The following CCR3 variants were observed in gnomAD, a reference collection of about 807,000 sequenced individuals.
The protein encoded by CCR3 is C-C motif chemokine receptor 3.
For missense variants in CCR3, 419 were observed against 437.5 expected (o/e 0.96, Z 0.38); for synonymous variants, 203 against 179.2 (o/e 1.13, Z -1.06).
intron 1 of CCR3, among the ~76,000 whole-genome samples, chr3:46,249,538 A>C (rs1051306203): frequency 6.6e-6 from 1 of 152,176 alleles, no homozygotes; most frequent in South Asian, 2.1e-4. Flanking sequence ...GTGATGGTCT[A>C]TGGGGCTTCC....
upstream of CCR3, among the ~76,000 whole-genome samples, chr3:46,239,505 T>C (rs937467366): frequency 6.6e-6 from 1 of 152,214 alleles, no homozygotes; most frequent in Non-Finnish European, 1.5e-5. Context: ...ATGACTCATC[T>C]ATATGAGCCA....
chr3:46,264,333 TTA>T, intron 1 of CCR3: 1 of 990,656 alleles, frequency 1.0e-6, no homozygotes, highest in Non-Finnish European at 1.5e-6. Context: ...ATTGTAATAG[TTA>T]ATTACTGTGA....
chr3:46,242,014 T>C (rs919323909), upstream of CCR3, among the ~76,000 whole-genome samples: 3 of 151,900 alleles, frequency 2.0e-5, no homozygotes, highest in African/African-American at 7.3e-5. Context: ...GTGCCTCTAA[T>C]ACCAACTATT....
At chr3:46,239,338 T>C (rs1232259698), upstream of CCR3, among the ~76,000 whole-genome samples, 1 of 152,232 alleles carries the variant, frequency 6.6e-6, no homozygotes, top group African/African-American at 2.4e-5. Context: ...GGAAATACTA[T>C]AATTTGTTGA....
At chr3:46,221,281 CA>C (rs1699834250) in intron 2 of CCR3, among the ~76,000 whole-genome samples, 1 of 152,202 alleles carries the variant, frequency 6.6e-6, no homozygotes, top group Admixed American at 6.5e-5. Context: ...CATGAATGTA[CA>C]GGGAAGATGT....
chr3:46,248,551 G>A (rs1320914003), intron 1 of CCR3, among the ~76,000 whole-genome samples: 1 of 152,166 alleles, frequency 6.6e-6, no homozygotes, highest in African/African-American at 2.4e-5. Context: ...TGAGGTTTGG[G>A]AGATTAATCG....
At chr3:46,236,418 G>A (rs1381512794) in intron 2 of CCR3, among the ~76,000 whole-genome samples, 1 of 152,206 alleles carries the variant, frequency 6.6e-6, no homozygotes, top group African/African-American at 2.4e-5. Flanking sequence ...CCATCGACAG[G>A]CTCCCAGGAC....
chr3:46,249,513 T>C (rs1382154383), intron 1 of CCR3, among the ~76,000 whole-genome samples: 1 of 152,092 alleles, frequency 6.6e-6, no homozygotes, highest in African/African-American at 2.4e-5. Context: ...GAGAGTTACC[T>C]AAAGCTCGGC....
intron 2 of CCR3, among the ~76,000 whole-genome samples, chr3:46,235,239 G>C (rs1575492667): frequency 6.6e-6 from 1 of 152,148 alleles, no homozygotes; most frequent in East Asian, 1.9e-4. Context: ...GACAATAAAG[G>C]GGGCAGGGGA....
intron 1 of CCR3, among the ~76,000 whole-genome samples, chr3:46,249,502 TGA>T (rs1559533776): frequency 6.6e-6 from 1 of 152,102 alleles, no homozygotes; most frequent in Admixed American, 6.5e-5. Context: ...CCCTCCACTG[TGA>T]GAGTTACCTA....
intron 2 of CCR3, among the ~76,000 whole-genome samples, chr3:46,236,721 G>A (rs1413222621): frequency 6.6e-6 from 1 of 152,250 alleles, no homozygotes; most frequent in Non-Finnish European, 1.5e-5. Context: ...GAGAGAGGCA[G>A]CACATAGTGG....
chr3:46,264,127 C>T lies in CCR3; in HGVS notation c.-11-1021C>T, dbSNP rs536597153. 8 of 384,034 alleles carry T rather than the reference C, an allele frequency of 2.1e-5. No homozygotes were observed. The East Asian group carries it at 2.5e-4, about 12-fold the overall frequency. The allele number at this position is 384,034 out of a possible 1,614,324, so 23.8% of individuals were successfully genotyped here. A position where few individuals can be genotyped will look rare whatever the true frequency, so the allele number is the denominator to read the frequency against. ...AGTCTATAATCTCAAGAAAAGCAGG[C>T]ACTGGCCTTAGGGCTCCTGGCCTAA... On this transcript the variant is annotated intron_variant, in intron 1 of 1. Coordinates refer to ENST00000395940, the MANE Select transcript of CCR3 (RefSeq NM_178329.3).
At chr3:46,246,967 G>A (rs1348977516) in intron 1 of CCR3, among the ~76,000 whole-genome samples, 1 of 151,980 alleles carries the variant, frequency 6.6e-6, no homozygotes, top group African/African-American at 2.4e-5. Context: ...AGAATGATTG[G>A]TGATGGCCTG....
intron 2 of CCR3, among the ~76,000 whole-genome samples, chr3:46,219,346 A>G (rs1396713250): frequency 6.6e-6 from 1 of 152,210 alleles, no homozygotes; most frequent in African/African-American, 2.4e-5. Flanking sequence ...GACACAAACA[A>G]ATAGAAACAC....
chr3:46,260,000 C>T (rs1700493016), intron 1 of CCR3, among the ~76,000 whole-genome samples: 1 of 152,134 alleles, frequency 6.6e-6, no homozygotes. Context: ...GGAGGCCTCA[C>T]AATCATGAGG....
At chr3:46,211,955 A>G (rs2125921941) in intron 2 of CCR3, among the ~76,000 whole-genome samples, 1 of 152,202 alleles carries the variant, frequency 6.6e-6, no homozygotes, top group Non-Finnish European at 1.5e-5. Context: ...TAGGTCTCTG[A>G]TTCCTTAATT....
At chr3:46,223,089 C>T (rs928656665) in intron 2 of CCR3, among the ~76,000 whole-genome samples, 25 of 152,232 alleles carry the variant, frequency 1.6e-4, no homozygotes, top group Non-Finnish European at 5.9e-5. Flanking sequence ...TGTGTTGGCT[C>T]ACGCCTGTAA....
At chr3:46,211,398 T>TA (rs1491504808) in intron 2 of CCR3, among the ~76,000 whole-genome samples, 8,331 of 125,818 alleles carry the variant, frequency 0.066, 788 homozygotes, top group African/African-American at 0.22. Flanking sequence ...TATATATATA[T>TA]TTTTTGTAGA....
At chr3:46,257,080 C>G (rs1377858905) in intron 1 of CCR3, among the ~76,000 whole-genome samples, 1 of 152,126 alleles carries the variant, frequency 6.6e-6, no homozygotes, top group Non-Finnish European at 1.5e-5. Context: ...CAGTTTATAA[C>G]TCCACTACTG....
Sources: gnomAD v4.1 joint callset for allele counts (sites outside exome capture counted in the v4.1 genomes callset) on GRCh38, gnomAD v4.1.1 for gene constraint, MANE v1.5 for transcripts, NCBI Gene and HGNC (gene_info 2026-07-23, HGNC 2026-07-21) for gene names.